The following HIVEP3 variants were observed in gnomAD, a reference collection of about 807,000 sequenced individuals.
The protein encoded by HIVEP3 is transcription factor HIVEP3.
A neutral mutation model predicts 152.8 loss-of-function variants in HIVEP3; 49 were observed. The observed-to-expected ratio is 0.32, with a 90% confidence interval of 0.26 to 0.41. HIVEP3 has a LOEUF of 0.41. HIVEP3 is among the 10% of genes least tolerant of loss of function. The pLI is 1.00. For missense variants in HIVEP3, 2,790 were observed against 3,103.3 expected (o/e 0.90, Z 2.40); for synonymous variants, 1,269 against 1,289.0 (o/e 0.98, Z 0.33).
intron 3 of HIVEP3, among the ~76,000 whole-genome samples, chr1:41,593,138 G>C (rs939315668): frequency 6.6e-6 from 1 of 152,122 alleles, no homozygotes; most frequent in African/African-American, 2.4e-5. Flanking sequence ...TCTTTTAAAC[G>C]AAAATTCTTA....
Position 41,580,881 on chromosome 1 carries a change from G to A in HIVEP3, c.3917C>T (p.Ala1306Val), listed in dbSNP as rs1644393843. Reference protein sequence around the residue: ...SSAPTSAPPLALPACPDTMVS... With the variant: ...SSAPTSAPPLVLPACPDTMVS... ...CATGGTGTCTGGACAGGCAGGCAGGGCCAGTGGAGGAGCTGATGTAGGTGC... is the reference window on the plus strand; with the variant it reads ...CATGGTGTCTGGACAGGCAGGCAGGACCAGTGGAGGAGCTGATGTAGGTGC... Residue 1306 changes from alanine (A) to valine (V), a missense_variant, in exon 4 of 9, where the codon GCC becomes GTC. By Grantham distance (64) the Ala-to-Val change is moderately conservative. This residue lies in a region of HIVEP3 where 1,078 missense variants were observed against 1,165.3 expected (regional missense o/e 0.93). Transcript: ENST00000372583. 7 of 1,609,478 alleles carry A rather than the reference G, an allele frequency of 4.3e-6. No individual in the cohort carries two copies. In the East Asian group the frequency reaches 1.6e-4, roughly 36 times the overall value.
chr1:41,869,101 G>A (rs1348271868), intron 1 of HIVEP3, among the ~76,000 whole-genome samples: 2 of 152,078 alleles, frequency 1.3e-5, no homozygotes, highest in Non-Finnish European at 2.9e-5. Flanking sequence ...CACCCTATAG[G>A]CTACTTATGT....
intron 3 of HIVEP3, among the ~76,000 whole-genome samples, chr1:41,601,117 C>G (rs1446364851): frequency 6.6e-6 from 1 of 152,128 alleles, no homozygotes; most frequent in Non-Finnish European, 1.5e-5. Context: ...GTCTACATGT[C>G]TGTCTTTATG....
In HIVEP3 at chr1:41,584,540, G is replaced by A. The variant is rs78126520; in HGVS notation, c.258C>T (p.Ile86=). The change falls in exon 4 of 9, where the codon ATC becomes ATT. Residue 86 remains isoleucine, a synonymous_variant. Transcript: ENST00000372583. This position sits in a 1 kb window ranked among gnomAD's most constrained non-coding sequence, Gnocchi z 5.2. Reference sequence around the variant, plus strand: ...GCTGTGAGATGTGGACGGATGCTTCGATGGGGGGCCTTTTGGGGGGCTTCT... The same window carrying A: ...GCTGTGAGATGTGGACGGATGCTTCAATGGGGGGCCTTTTGGGGGGCTTCT... ...QQQKPPKRPP[I]EASVHISQLP... 9,961 of 1,614,000 alleles carry A rather than the reference G, an allele frequency of 6.2e-3. 589 individuals are homozygous for A. The African/African-American group carries it at 0.12, about 19-fold the overall frequency.
intron 1 of HIVEP3, among the ~76,000 whole-genome samples, chr1:41,871,507 G>A (rs1384630398): frequency 6.6e-6 from 1 of 152,054 alleles, no homozygotes; most frequent in African/African-American, 2.4e-5. Context: ...TTGCTTCATG[G>A]AACTGAAATT....
intron 1 of HIVEP3, among the ~76,000 whole-genome samples, chr1:41,904,166 G>A (rs1644672849): frequency 6.6e-6 from 1 of 151,976 alleles, no homozygotes; most frequent in Admixed American, 6.5e-5. Flanking sequence ...CAAAGTCTTG[G>A]GATTACAGGC....
chr1:41,809,451 C>A (rs973503748), intron 1 of HIVEP3, among the ~76,000 whole-genome samples: 1 of 152,226 alleles, frequency 6.6e-6, no homozygotes, highest in Non-Finnish European at 1.5e-5. Context: ...CTTCTCAATA[C>A]AGGTGATTCT....
At chr1:41,637,314 TG>T (rs1157063133) in intron 2 of HIVEP3, among the ~76,000 whole-genome samples, 7 of 152,256 alleles carry the variant, frequency 4.6e-5, no homozygotes, top group Non-Finnish European at 1.0e-4. Flanking sequence ...GGAATAGTCA[TG>T]GGAACATAAC....
intron 1 of HIVEP3, among the ~76,000 whole-genome samples, chr1:41,983,891 C>T (rs761252152): frequency 1.3e-5 from 2 of 152,180 alleles, no homozygotes; most frequent in Non-Finnish European, 2.9e-5. Flanking sequence ...AAACATACAG[C>T]CTCTCATGTA....
intron 1 of HIVEP3, among the ~76,000 whole-genome samples, chr1:41,890,766 T>G (rs7518754): frequency 6.6e-6 from 1 of 152,258 alleles, no homozygotes; most frequent in African/African-American, 2.4e-5. Context: ...TGAAGGGCAA[T>G]TGTCTATAAC....
chr1:41,765,347 G>A (rs1045502944), intron 1 of HIVEP3, among the ~76,000 whole-genome samples: 1 of 152,186 alleles, frequency 6.6e-6, no homozygotes, highest in African/African-American at 2.4e-5. Flanking sequence ...TCCCCAGAGA[G>A]GGAGGTCCCC....
chr1:41,859,602 A>G (rs1643862719), intron 1 of HIVEP3, among the ~76,000 whole-genome samples: 2 of 152,190 alleles, frequency 1.3e-5, no homozygotes, highest in African/African-American at 4.8e-5. Context: ...TTACCAAGCC[A>G]AAGGACATTT....
At chr1:41,865,976 G>A (rs140253318) in intron 1 of HIVEP3, among the ~76,000 whole-genome samples, 2,329 of 152,308 alleles carry the variant, frequency 0.015, 36 homozygotes, top group Non-Finnish European at 0.019. Flanking sequence ...AGGGAGCATC[G>A]AAATCTGAGG....
chr1:41,689,760 T>C (rs1054164784), intron 2 of HIVEP3, among the ~76,000 whole-genome samples: 1 of 152,232 alleles, frequency 6.6e-6, no homozygotes, highest in Non-Finnish European at 1.5e-5. Context: ...GCCCAGCTAA[T>C]CCAAACCCCA....
chr1:41,522,557 T>TG (rs1427260195), intron 6 of HIVEP3, among the ~76,000 whole-genome samples: 1 of 152,100 alleles, frequency 6.6e-6, no homozygotes, highest in Non-Finnish European at 1.5e-5. Context: ...TCTACACCCC[T>TG]GGAAATGGGG....
At chr1:41,529,848 C>T (rs1205262057) in intron 5 of HIVEP3, among the ~76,000 whole-genome samples, 8 of 145,486 alleles carry the variant, frequency 5.5e-5, no homozygotes, top group Admixed American at 5.5e-4. Context: ...CACAGTCACC[C>T]CCACAGTCAC....
intron 2 of HIVEP3, among the ~76,000 whole-genome samples, chr1:41,651,799 T>G (rs1645554667): frequency 6.6e-6 from 1 of 152,222 alleles, no homozygotes; most frequent in Non-Finnish European, 1.5e-5. Flanking sequence ...TTTTGCCACC[T>G]CTAGGCAGTA....
In HIVEP3 at chr1:41,581,968, T is replaced by C. The variant is rs766254631; in HGVS notation, c.2830A>G (p.Ser944Gly). 6.2e-7 allele frequency: 1 copy of C among 1,614,148 alleles called. No homozygotes were observed. The highest frequency in any genetic ancestry group is 2.2e-5 in the East Asian group (1 of 44,870). The stretch of plus-strand genomic sequence containing the variant: ...TCCCTCTCAAACGAGGCTGAGCGGC[T>C]GGACCCACTCAAAGAGACATTGCTT... ...QESNVSLSGSSRSASFERDDH... is the reference protein window; with the variant it reads ...QESNVSLSGSGRSASFERDDH... The change falls in exon 4 of 9, where the codon AGC (serine) becomes GGC (glycine). Residue 944 changes from serine to glycine, a missense_variant. Transcript: ENST00000372583. The surrounding 1 kb of genome is among the most constrained non-coding windows in gnomAD (Gnocchi z 4.5).
rs533197046 is a variant in HIVEP3, at chr1:41,837,440, C to T, written c.-801+80973G>A. On this transcript the variant is annotated intron_variant, in intron 1 of 8. Transcript: ENST00000372583. ...CTCCTAGGTTCAAGCGATTCTCCTG[C>T]CTCAGCCTCCCGAGTAGCTGGGATT... Among the ~76,000 whole-genome samples the T allele has an allele frequency of 3.8e-4, 58 of 152,302 alleles. 1 individual carries two copies. The South Asian group carries it at 0.012, about 31-fold the overall frequency.
Sources: gnomAD v4.1 joint callset for allele counts (sites outside exome capture counted in the v4.1 genomes callset) on GRCh38, gnomAD v4.1.1 for gene constraint, gnomAD v4.1.1 regional missense constraint, Gnocchi (gnomAD v3.1) non-coding constraint, MANE v1.5 for transcripts, NCBI Gene and HGNC (gene_info 2026-07-23, HGNC 2026-07-21) for gene names.